GPR137: variants seen among roughly 807,000 people sequenced by gnomAD.
GPR137 encodes G protein-coupled receptor 137.
GPR137 carries 20 observed loss-of-function variants against 38.9 expected under a neutral mutation model. The observed-to-expected ratio is 0.51, with a 90% CI of 0.36 to 0.75. The LOEUF (loss-of-function observed/expected upper bound fraction) is 0.75. GPR137 is among the 30% of genes least tolerant of loss of function. GPR137 has a pLI of 0.00. For synonymous variants in GPR137, 226 were observed against 235.8 expected (o/e 0.96, Z 0.38); for missense variants, 456 against 526.4 (o/e 0.87, Z 1.31).
chr11:64,270,649 G>A (rs957453435), exon 1 of GPR137: 1 of 608,250 alleles, frequency 1.6e-6, no homozygotes, highest in African/African-American at 1.8e-5. Context: ...GAATCAAAGG[G>A]CCGGGAGCGA....
At chr11:64,271,509 T>A, upstream of GPR137, 1 of 1,193,796 alleles carries the variant, frequency 8.4e-7, no homozygotes. Context: ...TGGGGAGGGG[T>A]CGTGGGACTC....
Position 64,286,649 on chromosome 11 carries a change from A to G in GPR137, c.125A>G (p.Tyr42Cys). 2 of 1,613,984 alleles carry G rather than the reference A, an allele frequency of 1.2e-6. No homozygotes were observed. The highest frequency in any genetic ancestry group is 1.7e-6 in the Non-Finnish European group (2 of 1,179,962). Reference protein sequence around the residue: ...TLYALLFFSVYAQLWLVLLYG... With the variant: ...TLYALLFFSVCAQLWLVLLYG... ...TATGCCCTGCTCTTCTTCTCCGTCT[A>G]TGCCCAGCTCTGGCTGGTGCTTCTG... The change falls in exon 1 of 7, where the codon TAT becomes TGT. Residue 42 changes from tyrosine (Y) to cysteine (C), a missense_variant. Physicochemically the swap from Tyr to Cys is radical, Grantham distance 194. Transcript: ENST00000438980.
intron 2 of GPR137, among the ~76,000 whole-genome samples, chr11:64,277,635 T>C (rs1565348625): frequency 6.6e-6 from 1 of 152,174 alleles, no homozygotes; most frequent in Non-Finnish European, 1.5e-5. Context: ...AGAAGTGTCT[T>C]GCCATCTTGC....
Position 64,288,025 on chromosome 11 carries a change from C to T in GPR137, c.634-40C>T, listed in dbSNP as rs761633185. ...CTCAGGGTGTAGAGGAAGCTGGGAGCCTTCTCTCCCTGAGGGTCCTCTGTT... is the reference window on the plus strand; with the variant it reads ...CTCAGGGTGTAGAGGAAGCTGGGAGTCTTCTCTCCCTGAGGGTCCTCTGTT... On this transcript the variant is annotated intron_variant, in intron 3 of 6. Transcript: ENST00000438980. This position sits in a 1 kb window ranked among gnomAD's most constrained non-coding sequence, Gnocchi z 5.5. 2 of 1,605,402 alleles carry T rather than the reference C, an allele frequency of 1.2e-6. No homozygotes were observed. Among genetic ancestry groups the T allele is most frequent in the East Asian group, 2.2e-5 (1 of 44,874 alleles).
In GPR137 at chr11:64,288,923, G is replaced by A; in HGVS notation, c.1032-114G>A. 7 of 1,442,702 alleles carry A rather than the reference G, an allele frequency of 4.9e-6. No individual in the cohort carries two copies. Among genetic ancestry groups the A allele is most frequent in the Non-Finnish European group, 3.6e-6 (4 of 1,103,354 alleles). 89.4% of individuals were successfully genotyped at this position (1,442,702 alleles called of 1,614,324 possible). ...TTGCCTAGAGATGTACTTTGTCCTGGGCCCCGAAGGTCTAGGTCACAGGGG... is the reference window on the plus strand; with the variant it reads ...TTGCCTAGAGATGTACTTTGTCCTGAGCCCCGAAGGTCTAGGTCACAGGGG... On this transcript the variant is annotated intron_variant, in intron 6 of 6. Coordinates refer to ENST00000438980, the MANE Select transcript of GPR137 (RefSeq NM_001170880.2). This position sits in a 1 kb window ranked among gnomAD's most constrained non-coding sequence, Gnocchi z 5.5.
upstream of GPR137, among the ~76,000 whole-genome samples, chr11:64,272,394 C>A (rs2032702302): frequency 1.3e-5 from 2 of 152,134 alleles, no homozygotes; most frequent in African/African-American, 4.8e-5. Context: ...GGGTTGGTAG[C>A]TATTTCATAG....
upstream of GPR137, among the ~76,000 whole-genome samples, chr11:64,270,898 GAGACAC>G (rs1405287834): frequency 6.8e-4 from 59 of 86,906 alleles, 3 homozygotes; most frequent in South Asian, 8.9e-3. Flanking sequence ...CATGCCCTGT[GAGACAC>G]ACACACACAC....
upstream of GPR137, among the ~76,000 whole-genome samples, chr11:64,281,907 G>C (rs928091209): frequency 3.9e-5 from 6 of 152,192 alleles, no homozygotes; most frequent in African/African-American, 1.4e-4. Flanking sequence ...TTTTGGTAGA[G>C]ATGGGGTTTC....
Position 64,286,294 on chromosome 11 carries a change from T to C in GPR137, c.-231T>C. 1 of 1,395,710 alleles carries C rather than the reference T, an allele frequency of 7.2e-7. No homozygotes were observed. The highest frequency in any genetic ancestry group is 2.6e-5 in the East Asian group (1 of 37,966). The allele number at this position is 1,395,710 out of a possible 1,614,324, so 86.5% of individuals were successfully genotyped here. On this transcript the variant is annotated 5_prime_UTR_variant, in exon 1 of 7. Coordinates refer to ENST00000438980, the MANE Select transcript of GPR137 (RefSeq NM_001170880.2). ...CCGGTCTGTCCTGGAGAAAAGAGACTGCCCTTCCATGCCCCTGAGTGAGGG... is the reference window on the plus strand; with the variant it reads ...CCGGTCTGTCCTGGAGAAAAGAGACCGCCCTTCCATGCCCCTGAGTGAGGG...
chr11:64,286,933 C>T (rs1438023311), intron 1 of GPR137, 32 bp from the exon 2 acceptor site: 1 of 1,613,822 alleles, frequency 6.2e-7, no homozygotes, highest in African/African-American at 1.3e-5. Context: ...GCCTCAAGGA[C>T]CCACAGGAGT....
Position 64,286,039 on chromosome 11 carries a change from C to G in GPR137, c.-486C>G. ...ACAGGAGGCAGAGGCCCTCCCCATC[C>G]GCATTATTGGAGGAGAGAGAGCCTC... is the stretch of plus-strand genomic sequence containing the variant. On this transcript the variant is annotated 5_prime_UTR_variant, in exon 1 of 7. Coordinates refer to ENST00000438980, the MANE Select transcript of GPR137 (RefSeq NM_001170880.2). 1 of 986,646 alleles carries G rather than the reference C, an allele frequency of 1.0e-6. No individual in the cohort carries two copies. The highest frequency in any genetic ancestry group is 1.2e-6 in the Non-Finnish European group (1 of 830,636). The allele number at this position is 986,646 out of a possible 1,614,324, so 61.1% of individuals were successfully genotyped here.
At position 64,288,052 on chromosome 11, in the gene GPR137, T is replaced by C; in HGVS notation, c.634-13T>C. The C allele has an allele frequency of 6.2e-7, 1 of 1,608,922 alleles. No homozygotes were observed. Among genetic ancestry groups the C allele is most frequent in the Non-Finnish European group, 8.5e-7 (1 of 1,179,936 alleles). On this transcript the variant is annotated splice_polypyrimidine_tract_variant and intron_variant, in intron 3 of 6. Coordinates refer to ENST00000438980, the MANE Select transcript of GPR137 (RefSeq NM_001170880.2). This position sits in a 1 kb window ranked among gnomAD's most constrained non-coding sequence, Gnocchi z 5.5. ...TTCTCTCCCTGAGGGTCCTCTGTTG[T>C]TACCTGTGCCAGGGGACCAGTGTGT...
At position 64,289,370 on chromosome 11, in the gene GPR137, G is replaced by T. The variant is rs761472135; in HGVS notation, c.*174G>T. ...GAGCTTGTGCCGTCCCCCTAGGATGGGGGGCATGGCCCTGGCTGCCAGATG... is the reference window on the plus strand; with the variant it reads ...GAGCTTGTGCCGTCCCCCTAGGATGTGGGGCATGGCCCTGGCTGCCAGATG... On this transcript the variant is annotated 3_prime_UTR_variant, in exon 7 of 7. Transcript: ENST00000438980. 5 of 1,572,372 alleles carry T rather than the reference G, an allele frequency of 3.2e-6. No homozygotes were observed. In the South Asian group the frequency reaches 6.0e-5, roughly 19 times the overall value.
chr11:64,271,744 C>T (rs1226391283), upstream of GPR137: 3 of 1,447,116 alleles, frequency 2.1e-6, no homozygotes, highest in African/African-American at 1.5e-5. Context: ...ATCCCTTCGT[C>T]GTCCTCCGTC....
rs1470889055 is a variant in GPR137, at chr11:64,286,697, A to C, written c.173A>C (p.Tyr58Ser). The C allele has an allele frequency of 6.2e-7, 1 of 1,613,498 alleles. No individual in the cohort carries two copies. Among genetic ancestry groups the C allele is most frequent in the Non-Finnish European group, 8.5e-7 (1 of 1,179,634 alleles). Residue 58 changes from tyrosine (Y) to serine (S), a missense_variant, in exon 1 of 7, where the codon TAT (tyrosine) becomes TCT (serine). Transcript: ENST00000438980. Reference protein sequence around the residue: ...VLLYGHKRLSYQTVFLALCLL... With the variant: ...VLLYGHKRLSSQTVFLALCLL... ...CTGTATGGGCACAAGCGTCTCAGCT[A>C]TCAGACGGTGTTCCTGGCCCTCTGT...
upstream of GPR137, chr11:64,284,394 T>G (rs746057329): frequency 7.4e-6 from 12 of 1,611,890 alleles, no homozygotes; most frequent in South Asian, 1.3e-4. Flanking sequence ...GACAAGATGT[T>G]ACGTAGTCAA....
intron 1 of GPR137, chr11:64,276,290 GTA>G (rs1390264017): frequency 5.2e-5 from 4 of 76,982 alleles, no homozygotes; most frequent in African/African-American, 1.5e-4. Context: ...GTGTGTGTGT[GTA>G]TATATTTGTG....
At chr11:64,274,885 T>G (rs73500191), upstream of GPR137, among the ~76,000 whole-genome samples, 2,721 of 146,946 alleles carry the variant, frequency 0.019, 94 homozygotes, top group African/African-American at 0.063. Context: ...CTAGGGAGGT[T>G]AAGGCACAAG....
At chr11:64,279,893 C>T (rs1565349992), upstream of GPR137, among the ~76,000 whole-genome samples, 1 of 151,832 alleles carries the variant, frequency 6.6e-6, no homozygotes, top group Admixed American at 6.6e-5. Context: ...AGCCAGATTC[C>T]TTGGTGTTGG....
Sources: allele counts gnomAD v4.1 joint callset (sites outside exome capture counted in the v4.1 genomes callset), GRCh38; gene constraint gnomAD v4.1.1; non-coding constraint Gnocchi (gnomAD v3.1); transcripts MANE v1.5; gene names NCBI Gene and HGNC (gene_info 2026-07-23, HGNC 2026-07-21).